Variants in CACNA2D3 observed in about 807,000 individuals in gnomAD.
CACNA2D3 encodes the protein voltage-dependent calcium channel subunit alpha-2/delta-3.
In CACNA2D3, 60 loss-of-function variants were observed where a neutral mutation model predicts 160.6. The observed-to-expected ratio is 0.37, with a 90% CI of 0.30 to 0.46. The LOEUF is 0.46. Ranked by LOEUF, CACNA2D3 falls within the 20% of genes least tolerant of loss-of-function variation. The pLI is 1.00. For synonymous variants in CACNA2D3, 558 were observed against 492.9 expected (o/e 1.13, Z -1.75); for missense variants, 1,205 against 1,365.0 (o/e 0.88, Z 1.85).
At chr3:54,868,931 C>T (rs576662514) in intron 17 of CACNA2D3, among the ~76,000 whole-genome samples, 54 of 152,280 alleles carry the variant, frequency 3.5e-4, no homozygotes, top group African/African-American at 1.3e-3. Context: ...ATTTTACATA[C>T]AATATTTCAT....
intron 31 of CACNA2D3, 74 bp from the exon 32 acceptor site, chr3:55,004,689 C>G: frequency 1.0e-6 from 1 of 960,318 alleles, no homozygotes; most frequent in East Asian, 2.4e-5. Flanking sequence ...GACTGCTCAC[C>G]TTGTAGTACA....
At chr3:54,259,831 A>T (rs1253497859) in intron 2 of CACNA2D3, among the ~76,000 whole-genome samples, 2 of 152,242 alleles carry the variant, frequency 1.3e-5, no homozygotes, top group African/African-American at 4.8e-5. Context: ...GAAGAGTGAC[A>T]AAATTTGCAG....
chr3:55,041,734 T>G (rs904823220), intron 35 of CACNA2D3, among the ~76,000 whole-genome samples: 4 of 152,074 alleles, frequency 2.6e-5, no homozygotes, highest in African/African-American at 9.6e-5. Context: ...TTTTTCTAGT[T>G]TCTTAAGGTG....
At chr3:54,739,751 A>ATATGTGTG (rs1245449992) in intron 11 of CACNA2D3, among the ~76,000 whole-genome samples, 1 of 145,848 alleles carries the variant, frequency 6.9e-6, no homozygotes, top group African/African-American at 2.6e-5. Flanking sequence ...CTCCTCATAT[A>ATATGTGTG]TGTGTGTGTG....
At chr3:54,181,556 C>T (rs1195095443) in intron 2 of CACNA2D3, among the ~76,000 whole-genome samples, 1 of 152,090 alleles carries the variant, frequency 6.6e-6, no homozygotes, top group East Asian at 1.9e-4. Flanking sequence ...TAACATAGAC[C>T]TCCATTAGAA....
chr3:54,890,511 AAAAG>A lies in CACNA2D3; in HGVS notation c.2151-840_2151-837del, dbSNP rs1464972783. Among the ~76,000 whole-genome samples, 196 of 151,484 alleles carry A rather than the reference AAAAG, an allele frequency of 1.3e-3. 1 individual carries two copies. The highest frequency in any genetic ancestry group is 4.6e-3 in the African/African-American group (188 of 41,228). Reference sequence around the variant, plus strand: ...ACTCCGTCTCAAAAAAAAAAAAAAAAAAAGAAAAAGAAAGAAAAAAAATATTATG... The same window carrying A: ...ACTCCGTCTCAAAAAAAAAAAAAAAAAAAAAGAAAGAAAAAAAATATTATG... On this transcript the variant is annotated intron_variant, in intron 24 of 37. Coordinates refer to ENST00000474759, the MANE Select transcript of CACNA2D3 (RefSeq NM_018398.3).
intron 4 of CACNA2D3, among the ~76,000 whole-genome samples, chr3:54,404,515 C>T (rs1157821925): frequency 6.6e-6 from 1 of 152,116 alleles, no homozygotes; most frequent in Non-Finnish European, 1.5e-5. Context: ...GAAAAACCGA[C>T]AGCTGGCATC....
At chr3:54,838,233 G>A (rs1698740650) in intron 15 of CACNA2D3, among the ~76,000 whole-genome samples, 1 of 152,200 alleles carries the variant, frequency 6.6e-6, no homozygotes, top group Non-Finnish European at 1.5e-5. Flanking sequence ...ACTGGTGAAC[G>A]TTTAGAGCCC....
chr3:54,993,190 C>T (rs1702779666), intron 31 of CACNA2D3, among the ~76,000 whole-genome samples: 1 of 152,212 alleles, frequency 6.6e-6, no homozygotes, highest in Non-Finnish European at 1.5e-5. Flanking sequence ...ACTTTACTCT[C>T]CTAGAGGCCC....
chr3:54,603,865 A>G (rs1703110803), intron 9 of CACNA2D3, among the ~76,000 whole-genome samples: 1 of 152,020 alleles, frequency 6.6e-6, no homozygotes, highest in Admixed American at 6.5e-5. Flanking sequence ...ATTTTATTAG[A>G]TATGCATGCT....
intron 4 of CACNA2D3, among the ~76,000 whole-genome samples, chr3:54,454,607 T>C (rs7431901): frequency 0.99 from 150,977 of 152,220 alleles, 74,885 homozygotes; most frequent in Middle Eastern, 1. Context: ...ATATTGGAAA[T>C]GTTCAAAATC....
At chr3:54,695,613 T>G (rs1181696820) in intron 11 of CACNA2D3, among the ~76,000 whole-genome samples, 1 of 152,178 alleles carries the variant, frequency 6.6e-6, no homozygotes, top group Non-Finnish European at 1.5e-5. Flanking sequence ...AGATGAACTT[T>G]TAAAAAACCT....
chr3:54,657,506 A>G (rs58898531), intron 11 of CACNA2D3, among the ~76,000 whole-genome samples: 1 of 152,228 alleles, frequency 6.6e-6, no homozygotes, highest in African/African-American at 2.4e-5. Flanking sequence ...GTAACTTTAT[A>G]CACATTCAAC....
At chr3:54,588,436 G>C (rs749002556) in intron 9 of CACNA2D3, among the ~76,000 whole-genome samples, 1 of 152,134 alleles carries the variant, frequency 6.6e-6, no homozygotes, top group African/African-American at 2.4e-5. Context: ...ACTGACATTT[G>C]ACAAAGTGTT....
intron 12 of CACNA2D3, among the ~76,000 whole-genome samples, chr3:54,760,301 T>A (rs1575461535): frequency 6.6e-6 from 1 of 151,702 alleles, no homozygotes; most frequent in East Asian, 1.9e-4. Context: ...GGATAAAGGG[T>A]GTCCCAGGCA....
At chr3:54,802,340 C>T (rs1287743680) in intron 13 of CACNA2D3, among the ~76,000 whole-genome samples, 2 of 152,096 alleles carry the variant, frequency 1.3e-5, no homozygotes, top group Non-Finnish European at 2.9e-5. Context: ...CAGAGAGATA[C>T]CTTTTGTGTC....
rs561850212 is a variant in CACNA2D3, at chr3:55,033,604, ATATC to A, written c.2987+15289_2987+15292del. On this transcript the variant is annotated intron_variant, in intron 35 of 37. Coordinates refer to ENST00000474759, the MANE Select transcript of CACNA2D3 (RefSeq NM_018398.3). ...TGTGTGTATATATATATATATATAT[ATATC>A]TCCTTGAAGTATCTGAAATGTGTAT... is the stretch of plus-strand genomic sequence containing the variant. 8.7e-3 allele frequency among the ~76,000 whole-genome samples: 1,171 copies of A among 134,978 alleles called. 20 individuals carry two copies. Among genetic ancestry groups the A allele is most frequent in the African/African-American group, 0.031 (1,126 of 36,800 alleles). 88.6% of individuals were successfully genotyped at this position (134,978 alleles called of 152,430 possible). A position where few individuals can be genotyped will look rare whatever the true frequency, so the allele number is the denominator to read the frequency against.
intron 5 of CACNA2D3, among the ~76,000 whole-genome samples, chr3:54,550,696 G>A (rs1008668968): frequency 1.1e-4 from 16 of 152,142 alleles, no homozygotes; most frequent in African/African-American, 3.1e-4. Flanking sequence ...TCCCATTTAC[G>A]TGTGATCTAA....
intron 11 of CACNA2D3, among the ~76,000 whole-genome samples, chr3:54,722,170 T>C (rs975304030): frequency 1.3e-5 from 2 of 152,238 alleles, no homozygotes; most frequent in East Asian, 3.8e-4. Context: ...TGGTTTTCAA[T>C]CACTGATATC....
Sources: gnomAD v4.1 joint callset for allele counts (sites outside exome capture counted in the v4.1 genomes callset) on GRCh38, gnomAD v4.1.1 for gene constraint, MANE v1.5 for transcripts, NCBI Gene and HGNC (gene_info 2026-07-23, HGNC 2026-07-21) for gene names.